GALNT14: variants seen among roughly 807,000 people sequenced by gnomAD.
GALNT14 encodes polypeptide N-acetylgalactosaminyltransferase 14.
Under a neutral mutation model 77.5 loss-of-function variants are expected in GALNT14, and 60 were observed. That is an observed-to-expected ratio of 0.77 (90% CI 0.63 to 0.96). GALNT14 has a LOEUF of 0.96. Ranked by LOEUF, GALNT14 falls within the 40% of genes least tolerant of loss-of-function variation. GALNT14 has a pLI of 0.00. For missense variants in GALNT14, 710 were observed against 731.0 expected (o/e 0.97, Z 0.33); for synonymous variants, 280 against 281.7 (o/e 0.99, Z 0.06).
chr2:31,034,972 T>G lies in GALNT14; in HGVS notation c.130-41965A>C, dbSNP rs374314709. Among the ~76,000 whole-genome samples the G allele has an allele frequency of 1.0e-3, 158 of 152,356 alleles. 3 individuals carry two copies. The South Asian group carries it at 0.02, about 20-fold the overall frequency. On this transcript the variant is annotated intron_variant, in intron 1 of 14. Coordinates refer to ENST00000349752, the MANE Select transcript of GALNT14 (RefSeq NM_024572.4). Reference sequence around the variant, plus strand: ...GGTTGGAAAATCTACTTTGTATGATTTCAATCCTTTTAAACGTATTCAGGT... The same window carrying G: ...GGTTGGAAAATCTACTTTGTATGATGTCAATCCTTTTAAACGTATTCAGGT...
chr2:31,074,878 G>A (rs1675661873), intron 1 of GALNT14, among the ~76,000 whole-genome samples: 1 of 152,058 alleles, frequency 6.6e-6, no homozygotes, highest in East Asian at 1.9e-4. Context: ...GGAAAACTGG[G>A]GCCATGCTGT....
intron 1 of GALNT14, among the ~76,000 whole-genome samples, chr2:31,117,933 A>G (rs1678193444): frequency 6.6e-6 from 1 of 152,142 alleles, no homozygotes. Context: ...GCAGAAGGAG[A>G]AGAATATGGC....
intron 13 of GALNT14, among the ~76,000 whole-genome samples, chr2:30,919,311 G>T (rs576444956): frequency 2.6e-4 from 40 of 152,308 alleles, no homozygotes; most frequent in African/African-American, 9.4e-4. Context: ...TAAATATTTT[G>T]CTCCCAAGGT....
chr2:31,112,571 C>G (rs762683059), intron 1 of GALNT14, among the ~76,000 whole-genome samples: 1 of 152,192 alleles, frequency 6.6e-6, no homozygotes, highest in African/African-American at 2.4e-5. Flanking sequence ...AAGAAAAAGG[C>G]CAACATCCAT....
At chr2:30,894,631 T>C in the GALNT14 span, among the ~76,000 whole-genome samples, 1 of 152,214 alleles carries the variant, frequency 6.6e-6, no homozygotes. Flanking sequence ...CCTCTGACAT[T>C]GTAGCTTCTG....
chr2:30,964,715 G>A (rs1412571811), intron 3 of GALNT14, among the ~76,000 whole-genome samples: 3 of 152,184 alleles, frequency 2.0e-5, no homozygotes, highest in African/African-American at 7.2e-5. Context: ...GCTAAAAACT[G>A]TGTGTCTGGG....
At chr2:31,056,456 C>T (rs1674212965) in intron 1 of GALNT14, among the ~76,000 whole-genome samples, 1 of 152,148 alleles carries the variant, frequency 6.6e-6, no homozygotes, top group African/African-American at 2.4e-5. Context: ...GATCCTCAGC[C>T]TCAGGGCATG....
At chr2:31,058,478 G>A (rs1213355815) in intron 1 of GALNT14, among the ~76,000 whole-genome samples, 1 of 152,040 alleles carries the variant, frequency 6.6e-6, no homozygotes, top group Non-Finnish European at 1.5e-5. Context: ...TGATCATCAG[G>A]GTCAGAATCA....
chr2:30,942,098 C>T, intron 9 of GALNT14, 103 bp downstream of exon 9: 1 of 752,164 alleles, frequency 1.3e-6, no homozygotes, highest in Non-Finnish European at 2.3e-6. Flanking sequence ...GCACGTGTCA[C>T]TCTCTGACAG....
At chr2:30,988,792 A>G (rs1181565581) in intron 2 of GALNT14, among the ~76,000 whole-genome samples, 1 of 152,220 alleles carries the variant, frequency 6.6e-6, no homozygotes, top group Non-Finnish European at 1.5e-5. Context: ...CTCCACCCCC[A>G]GAGTTTCTGA....
chr2:30,894,070 G>C, the GALNT14 span, among the ~76,000 whole-genome samples: 1 of 152,018 alleles, frequency 6.6e-6, no homozygotes, highest in Non-Finnish European at 1.5e-5. Flanking sequence ...AAGAGAAGAG[G>C]GGCCTGGAAT....
At chr2:30,958,216 T>C (rs760569168) in intron 4 of GALNT14, among the ~76,000 whole-genome samples, 181 bp downstream of exon 4, 1 of 152,100 alleles carries the variant, frequency 6.6e-6, no homozygotes, top group African/African-American at 2.4e-5. Context: ...GAGAAATTGT[T>C]TTTTGGATAT....
chr2:30,983,271 T>G (rs1246286886), intron 2 of GALNT14, among the ~76,000 whole-genome samples: 1 of 152,106 alleles, frequency 6.6e-6, no homozygotes, highest in Non-Finnish European at 1.5e-5. Flanking sequence ...ATTTATTCAC[T>G]GGGGGCATTC....
chr2:31,001,247 A>C (rs1479066411), intron 1 of GALNT14, among the ~76,000 whole-genome samples: 1 of 152,080 alleles, frequency 6.6e-6, no homozygotes, highest in Non-Finnish European at 1.5e-5. Context: ...CTTCATGCTA[A>C]ACCATAACTA....
rs1439047877 is a variant in GALNT14 at position 31,137,975 on chromosome 2, C to A, written c.112G>T (p.Glu38Ter). 1.9e-6 allele frequency: 3 copies of A among 1,613,466 alleles called. No homozygotes were observed. In the South Asian group the frequency reaches 3.3e-5, roughly 18 times the overall value. The change falls in exon 1 of 15, where the codon GAA becomes TAA. Residue 38 changes from glutamate (E) to a stop codon, truncating the protein, a stop_gained. Coordinates refer to ENST00000349752, the MANE Select transcript of GALNT14 (RefSeq NM_024572.4). LOFTEE classifies it high-confidence loss of function. ...KRKLEVPTGP[E>*]VQTPKPSDAD... ...CCGCCTACCTTAGGGGTCTGCACTT[C>A]AGGTCCCGTCGGCACCTCCAACTTC...
chr2:30,980,970 G>T (rs1299703055), intron 2 of GALNT14, among the ~76,000 whole-genome samples: 4 of 152,214 alleles, frequency 2.6e-5, no homozygotes, highest in Admixed American at 6.5e-5. Flanking sequence ...CTACTCAGGA[G>T]GCTGAGGCAG....
In GALNT14 at chr2:31,110,339, TC is replaced by T; in HGVS notation, c.129+27618del. On this transcript the variant is annotated intron_variant, in intron 1 of 14. Transcript: ENST00000349752. The stretch of plus-strand genomic sequence containing the variant: ...GTCCCACCTGTAGACAATGAGTGAT[TC>T]CAAAGGCTATGACTTCCAAACACTA... 3.9e-5 allele frequency among the ~76,000 whole-genome samples: 6 copies of T among 152,282 alleles called. 1 individual carries two copies. The highest frequency in any genetic ancestry group is 3.9e-4 in the Admixed American group (6 of 15,298).
At chr2:30,969,898 A>G (rs1668244238) in intron 2 of GALNT14, among the ~76,000 whole-genome samples, 1 of 152,154 alleles carries the variant, frequency 6.6e-6, no homozygotes, top group Non-Finnish European at 1.5e-5. Flanking sequence ...TTCAATACGC[A>G]TGGTTAGGAA....
In GALNT14 at chr2:30,929,375, C is replaced by A. The variant is rs1228279426; in HGVS notation, c.1151+20G>T. Reference sequence around the variant, plus strand: ...GCTCTTTTGCAGTCTCTGCCCTCCTCAACCTGAAGGGACACTTACTTCCCG... The same window carrying A: ...GCTCTTTTGCAGTCTCTGCCCTCCTAAACCTGAAGGGACACTTACTTCCCG... On this transcript the variant is annotated intron_variant, in intron 11 of 14. Coordinates refer to ENST00000349752, the MANE Select transcript of GALNT14 (RefSeq NM_024572.4). The A allele has an allele frequency of 5.0e-6, 8 of 1,603,834 alleles. No homozygotes were observed. In the South Asian group the frequency reaches 8.8e-5, roughly 18 times the overall value.
Sources: gnomAD v4.1 joint callset for allele counts (sites outside exome capture counted in the v4.1 genomes callset) on GRCh38, gnomAD v4.1.1 for gene constraint, MANE v1.5 for transcripts, NCBI Gene and HGNC (gene_info 2026-07-23, HGNC 2026-07-21) for gene names.